The following DZANK1 variants were observed in gnomAD, a reference collection of about 807,000 sequenced individuals.
DZANK1 encodes double zinc ribbon and ankyrin repeat domains 1, also known as double zinc ribbon and ankyrin repeat-containing protein 1.
Under a neutral mutation model 94.5 loss-of-function variants are expected in DZANK1, and 91 were observed. That is an observed-to-expected ratio of 0.96 (90% CI 0.81 to 1.15). DZANK1 has a LOEUF of 1.15. DZANK1 is among the 50% of genes most tolerant of loss of function. DZANK1 has a pLI of 0.00. For synonymous variants in DZANK1, 312 were observed against 325.3 expected, an observed-to-expected ratio of 0.96 and a Z score of 0.44; for missense variants, 903 against 916.4, an observed-to-expected ratio of 0.99 and a Z score of 0.19.
chr20:18,401,147 G>A (rs2056656465), intron 13 of DZANK1, among the ~76,000 whole-genome samples: 1 of 152,126 alleles, frequency 6.6e-6, no homozygotes, highest in Non-Finnish European at 1.5e-5. Context: ...ATGTTGGCCA[G>A]GCTGGTCTCA....
At chr20:18,435,785 T>G (rs1306958520) in intron 8 of DZANK1, among the ~76,000 whole-genome samples, 3 of 151,642 alleles carry the variant, frequency 2.0e-5, no homozygotes, top group African/African-American at 4.8e-5. Flanking sequence ...AAGCTGCTTC[T>G]CTGTCTATGG....
chr20:18,427,096 A>T, exon 10 of DZANK1: 1 of 1,612,422 alleles, frequency 6.2e-7, no homozygotes, highest in Non-Finnish European at 8.5e-7. Context: ...GCCCCCTCAC[A>T]GGTGACACAG....
chr20:18,453,505 C>T (rs1159292177), intron 5 of DZANK1, among the ~76,000 whole-genome samples: 1 of 152,136 alleles, frequency 6.6e-6, no homozygotes, highest in African/African-American at 2.4e-5. Flanking sequence ...CCATGGCTCC[C>T]GGCAGTGGGT....
intron 9 of DZANK1, 96 bp from the exon 10 acceptor site, chr20:18,427,255 G>A (rs1208409038): frequency 2.0e-5 from 18 of 896,118 alleles, no homozygotes; most frequent in Non-Finnish European, 2.9e-5. Flanking sequence ...TTCAGCTACA[G>A]GCCCTATTAC....
chr20:18,421,199 C>T (rs2057763413), intron 10 of DZANK1: 1 of 156,210 alleles, frequency 6.4e-6, no homozygotes, highest in African/African-American at 2.4e-5. Flanking sequence ...CAGGTATACA[C>T]CAAGGGCACT....
At chr20:18,401,770 C>T (rs1308113059) in intron 13 of DZANK1, among the ~76,000 whole-genome samples, 1 of 152,224 alleles carries the variant, frequency 6.6e-6, no homozygotes, top group East Asian at 1.9e-4. Flanking sequence ...CTTCTTTACA[C>T]AGTGCTGACT....
At chr20:18,412,601 A>G in intron 13 of DZANK1, 45 bp downstream of exon 13, 1 of 1,557,328 alleles carries the variant, frequency 6.4e-7, no homozygotes, top group Non-Finnish European at 8.8e-7. Context: ...TCACAGAAAG[A>G]GTGAATTCCC....
intron 13 of DZANK1, among the ~76,000 whole-genome samples, chr20:18,408,646 C>G (rs748434004): frequency 5.9e-5 from 9 of 151,956 alleles, no homozygotes; most frequent in Non-Finnish European, 2.9e-5. Flanking sequence ...AAAGTTTTAC[C>G]CTAGAATAGT....
intron 2 of DZANK1, among the ~76,000 whole-genome samples, chr20:18,460,511 C>T (rs561328142): frequency 2.6e-5 from 4 of 152,192 alleles, no homozygotes; most frequent in South Asian, 4.2e-4. Flanking sequence ...GGGCGGATCA[C>T]GAGGTCAGGA....
At chr20:18,448,878 A>G in intron 7 of DZANK1, 106 bp downstream of exon 7, 1 of 957,400 alleles carries the variant, frequency 1.0e-6, no homozygotes, top group Non-Finnish European at 1.6e-6. Context: ...AAAAAAAAAA[A>G]AAAAAAAAGT....
chr20:18,405,290 G>A (rs565157890), intron 13 of DZANK1, among the ~76,000 whole-genome samples: 1 of 152,214 alleles, frequency 6.6e-6, no homozygotes, highest in Non-Finnish European at 1.5e-5. Flanking sequence ...AGAATATGTA[G>A]CAGAAAAGTA....
At chr20:18,389,615 T>A (rs1461379067) in intron 19 of DZANK1, 86 bp downstream of exon 19, 8 of 1,549,670 alleles carry the variant, frequency 5.2e-6, no homozygotes, top group Non-Finnish European at 7.0e-6. Context: ...GAACAGGGTG[T>A]GTGTGTAGAC....
At chr20:18,385,911 G>C (rs564038605) in intron 19 of DZANK1, among the ~76,000 whole-genome samples, 1 of 152,202 alleles carries the variant, frequency 6.6e-6, no homozygotes, top group African/African-American at 2.4e-5. Context: ...TCCTGGTCAG[G>C]TTTGACCTAG....
At chr20:18,397,155 T>A (rs1216382410) in intron 14 of DZANK1, among the ~76,000 whole-genome samples, 1 of 152,224 alleles carries the variant, frequency 6.6e-6, no homozygotes, top group Non-Finnish European at 1.5e-5. Flanking sequence ...ATTTTATTTA[T>A]AAAATTGGGC....
intron 9 of DZANK1, among the ~76,000 whole-genome samples, chr20:18,427,672 C>T (rs960179583): frequency 6.6e-6 from 1 of 151,658 alleles, no homozygotes; most frequent in Admixed American, 6.6e-5. Context: ...ACTGAGTAGA[C>T]GTTCCATTTC....
exon 21 of DZANK1, chr20:18,383,964 TA>T (rs796198584): frequency 8.3e-4 from 129 of 156,076 alleles, no homozygotes; most frequent in South Asian, 2.0e-3. Context: ...TCATATGATT[TA>T]AAAAAAAAAT....
chr20:18,437,973 C>T (rs6081141), intron 8 of DZANK1, among the ~76,000 whole-genome samples: 24,074 of 151,954 alleles, frequency 0.16, 2,454 homozygotes, highest in South Asian at 0.22. Flanking sequence ...AATCCCAGCA[C>T]TTTGGGAGGC....
intron 3 of DZANK1, among the ~76,000 whole-genome samples, chr20:18,456,704 TTG>T (rs2059305364): frequency 9.0e-6 from 1 of 111,656 alleles, no homozygotes; most frequent in South Asian, 2.6e-4. Flanking sequence ...TTTTATTTAT[TTG>T]TTTTTTTTTG....
At chr20:18,431,377 A>T (rs1255732133) in intron 9 of DZANK1, among the ~76,000 whole-genome samples, 1 of 152,076 alleles carries the variant, frequency 6.6e-6, no homozygotes, top group Non-Finnish European at 1.5e-5. Flanking sequence ...TGAGCTAGAG[A>T]CCAACGCAGA....
Sources: allele counts gnomAD v4.1 joint callset (sites outside exome capture counted in the v4.1 genomes callset), GRCh38; gene constraint gnomAD v4.1.1; transcripts MANE v1.5; gene names NCBI Gene and HGNC (gene_info 2026-07-23, HGNC 2026-07-21).